TRPS1: variants seen among roughly 807,000 people sequenced by gnomAD.
TRPS1 encodes zinc finger transcription factor Trps1.
Under a neutral mutation model 101.2 loss-of-function variants are expected in TRPS1, and 6 were observed. The observed-to-expected ratio is 0.06, with a 90% CI of 0.03 to 0.12. The LOEUF (loss-of-function observed/expected upper bound fraction) is 0.12, where lower values mean the gene tolerates loss of function less well. TRPS1 is among the 10% of genes least tolerant of loss of function. The probability of loss-of-function intolerance (pLI) is 1.00; values close to 1 mark genes in which losing one functional copy is unlikely to be tolerated. For missense variants in TRPS1, 1,363 were observed against 1,567.0 expected (o/e 0.87, Z 2.20); for synonymous variants, 578 against 589.8 (o/e 0.98, Z 0.29).
chr8:115,656,056 G>A (rs1378354716), intron 1 of TRPS1, among the ~76,000 whole-genome samples: 2 of 152,088 alleles, frequency 1.3e-5, no homozygotes, highest in African/African-American at 4.8e-5. Flanking sequence ...AGCTCTCTCA[G>A]AATCAATTCC....
chr8:115,451,475 C>T (rs776361673), intron 5 of TRPS1, among the ~76,000 whole-genome samples: 12 of 152,118 alleles, frequency 7.9e-5, no homozygotes, highest in Non-Finnish European at 1.8e-4. Context: ...AACTGATGAA[C>T]ACATGAAAGA....
chr8:115,474,617 C>T (rs906444084), intron 5 of TRPS1, among the ~76,000 whole-genome samples: 1 of 151,900 alleles, frequency 6.6e-6, no homozygotes, highest in African/African-American at 2.4e-5. Context: ...TAAAAGTGGG[C>T]AGAAGTGAGT....
chr8:115,554,437 C>A (rs1298613191), intron 5 of TRPS1, among the ~76,000 whole-genome samples: 1 of 152,126 alleles, frequency 6.6e-6, no homozygotes, highest in African/African-American at 2.4e-5. Flanking sequence ...ATGACCCACC[C>A]CTTTCCTAGA....
At chr8:115,437,373 C>A (rs1420560866) in intron 5 of TRPS1, among the ~76,000 whole-genome samples, 1 of 152,168 alleles carries the variant, frequency 6.6e-6, no homozygotes, top group African/African-American at 2.4e-5. Context: ...ACAGGATATG[C>A]TGGAAGGTTC....
chr8:115,535,223 C>CAT (rs1198465428), intron 5 of TRPS1, among the ~76,000 whole-genome samples: 19 of 85,392 alleles, frequency 2.2e-4, no homozygotes, highest in African/African-American at 4.3e-4. Context: ...GCATATATAG[C>CAT]ATATATATAT....
At chr8:115,439,842 C>T (rs1000360313) in intron 5 of TRPS1, among the ~76,000 whole-genome samples, 5 of 152,164 alleles carry the variant, frequency 3.3e-5, no homozygotes, top group African/African-American at 1.2e-4. Context: ...TATACAGTGT[C>T]TCACTCTCTG....
At chr8:115,582,612 C>A (rs1457482784) in intron 5 of TRPS1, among the ~76,000 whole-genome samples, 1 of 152,124 alleles carries the variant, frequency 6.6e-6, no homozygotes, top group Admixed American at 6.5e-5. Flanking sequence ...GCAGCATGAT[C>A]CTCTCCAAGC....
intron 5 of TRPS1, among the ~76,000 whole-genome samples, chr8:115,423,373 A>G (rs946468575): frequency 5.9e-5 from 9 of 152,208 alleles, no homozygotes; most frequent in Non-Finnish European, 4.4e-5. Context: ...TGCCTGGCAA[A>G]TGCTTTTCAG....
intron 1 of TRPS1, among the ~76,000 whole-genome samples, chr8:115,652,110 C>A (rs1301650307): frequency 2.6e-5 from 4 of 152,146 alleles, no homozygotes; most frequent in African/African-American, 9.7e-5. Context: ...CAATGATAGA[C>A]TAGAACAAGT....
intron 5 of TRPS1, among the ~76,000 whole-genome samples, chr8:115,459,193 C>T (rs186848427): frequency 7.6e-4 from 115 of 152,192 alleles, no homozygotes; most frequent in African/African-American, 2.7e-3. Flanking sequence ...AAAAAATTAG[C>T]TTGGCATGGA....
chr8:115,513,362 T>G (rs997696352), intron 5 of TRPS1, among the ~76,000 whole-genome samples: 7 of 151,674 alleles, frequency 4.6e-5, no homozygotes, highest in African/African-American at 1.7e-4. Context: ...ATTTGGTTCT[T>G]CCATTATTTA....
chr8:115,441,670 G>T (rs1586276565), intron 5 of TRPS1, among the ~76,000 whole-genome samples: 1 of 151,706 alleles, frequency 6.6e-6, no homozygotes, highest in African/African-American at 2.4e-5. Context: ...ACCTTTGGGA[G>T]TATAAAAATC....
chr8:115,490,819 T>C (rs1815001823), intron 5 of TRPS1, among the ~76,000 whole-genome samples: 1 of 152,214 alleles, frequency 6.6e-6, no homozygotes, highest in Non-Finnish European at 1.5e-5. Context: ...GGCTGGTTTA[T>C]TATTTTATAA....
chr8:115,649,600 C>G (rs898393987), intron 1 of TRPS1, among the ~76,000 whole-genome samples: 1 of 152,334 alleles, frequency 6.6e-6, no homozygotes, highest in South Asian at 2.1e-4. Flanking sequence ...CCTCTTGGAA[C>G]GCAGCCTTTC....
At chr8:115,462,268 T>C (rs868484668) in intron 5 of TRPS1, among the ~76,000 whole-genome samples, 1 of 152,174 alleles carries the variant, frequency 6.6e-6, no homozygotes, top group African/African-American at 2.4e-5. Context: ...TATCAGTTAC[T>C]GGGGCAGAAA....
At chr8:115,609,315 G>A (rs1818110173) in intron 3 of TRPS1, among the ~76,000 whole-genome samples, 1 of 152,168 alleles carries the variant, frequency 6.6e-6, no homozygotes. Context: ...AATTCATTCA[G>A]TGACAAACTC....
chr8:115,621,775 G>A (rs546922166), intron 2 of TRPS1, among the ~76,000 whole-genome samples: 1 of 152,096 alleles, frequency 6.6e-6, no homozygotes, highest in South Asian at 2.1e-4. Context: ...AATTAGCTGG[G>A]TGTGGTGGTG....
intron 5 of TRPS1, among the ~76,000 whole-genome samples, chr8:115,447,899 A>G (rs889281751): frequency 6.6e-6 from 1 of 152,154 alleles, no homozygotes; most frequent in African/African-American, 2.4e-5. Flanking sequence ...CTTTGAAAAT[A>G]GAAATGAAAA....
intron 5 of TRPS1, among the ~76,000 whole-genome samples, chr8:115,451,151 T>C (rs1813861336): frequency 6.6e-6 from 1 of 152,332 alleles, no homozygotes; most frequent in South Asian, 2.1e-4. Flanking sequence ...TCATGTTGAT[T>C]GCTATATTAG....
Sources: allele counts gnomAD v4.1 joint callset (sites outside exome capture counted in the v4.1 genomes callset), GRCh38; gene constraint gnomAD v4.1.1; transcripts MANE v1.5; gene names NCBI Gene and HGNC (gene_info 2026-07-23, HGNC 2026-07-21).